The following PTPRD variants were observed in gnomAD, a reference collection of about 807,000 sequenced individuals.
PTPRD encodes the protein receptor-type tyrosine-protein phosphatase delta.
Under a neutral mutation model 214.5 loss-of-function variants are expected in PTPRD, and 34 were observed. The observed-to-expected ratio is 0.16, with a 90% CI of 0.12 to 0.21. The LOEUF is 0.21. PTPRD is among the 10% of genes least tolerant of loss of function. PTPRD has a pLI of 1.00. For missense variants in PTPRD, 2,545 were observed against 2,398.7 expected, an observed-to-expected ratio of 1.06 and a Z score of -1.27; for synonymous variants, 1,128 against 845.7, an observed-to-expected ratio of 1.33 and a Z score of -5.79.
intron 9 of PTPRD, among the ~76,000 whole-genome samples, chr9:9,373,536 C>T (rs2060067563): frequency 6.6e-6 from 1 of 151,908 alleles, no homozygotes. Flanking sequence ...CTGGAGTCTC[C>T]CAGGGAGAAT....
chr9:8,665,173 G>A (rs140611260), intron 12 of PTPRD, among the ~76,000 whole-genome samples: 1 of 152,164 alleles, frequency 6.6e-6, no homozygotes, highest in Non-Finnish European at 1.5e-5. Flanking sequence ...TCAAAAGTAA[G>A]ATTTTGTTTA....
chr9:10,019,990 T>C (rs751777261), intron 4 of PTPRD, among the ~76,000 whole-genome samples: 6 of 152,212 alleles, frequency 3.9e-5, no homozygotes, highest in Non-Finnish European at 5.9e-5. Flanking sequence ...GGTTAATGTA[T>C]ATAAACGGTT....
At chr9:10,141,164 G>A (rs2098982108) in intron 3 of PTPRD, among the ~76,000 whole-genome samples, 1 of 152,138 alleles carries the variant, frequency 6.6e-6, no homozygotes, top group South Asian at 2.1e-4. Context: ...GCAAAAAACT[G>A]GAAGCATTCC....
intron 3 of PTPRD, among the ~76,000 whole-genome samples, chr9:10,068,372 C>T (rs1468361732): frequency 6.6e-6 from 1 of 151,758 alleles, no homozygotes. Flanking sequence ...TAAGATAATC[C>T]ATCCTGAAGT....
intron 11 of PTPRD, among the ~76,000 whole-genome samples, chr9:8,817,075 A>G (rs2096935385): frequency 6.6e-6 from 1 of 152,218 alleles, no homozygotes; most frequent in Non-Finnish European, 1.5e-5. Flanking sequence ...TTCCTTCGGT[A>G]TAGCATGATG....
intron 10 of PTPRD, among the ~76,000 whole-genome samples, chr9:9,080,406 A>G (rs2099757297): frequency 6.6e-6 from 1 of 152,138 alleles, no homozygotes; most frequent in Admixed American, 6.6e-5. Context: ...TTATAATAAA[A>G]GTCGCTTGCT....
intron 11 of PTPRD, among the ~76,000 whole-genome samples, chr9:8,929,399 G>A (rs10977366): frequency 0.32 from 47,976 of 151,812 alleles, 7,755 homozygotes; most frequent in Middle Eastern, 0.36. Context: ...TTAGCATGAA[G>A]TTGTGTTGAA....
chr9:10,553,120 T>C (rs1355464327), intron 2 of PTPRD, among the ~76,000 whole-genome samples: 2 of 152,114 alleles, frequency 1.3e-5, no homozygotes, highest in African/African-American at 2.4e-5. Flanking sequence ...CAGAAGCACA[T>C]CTGGATTTGT....
chr9:10,170,958 T>C (rs10958933), intron 3 of PTPRD, among the ~76,000 whole-genome samples: 1 of 152,016 alleles, frequency 6.6e-6, no homozygotes, highest in East Asian at 1.9e-4. Flanking sequence ...CACCAAGTCC[T>C]TTTCCTTGAT....
chr9:9,231,147 T>C (rs2099962852), intron 9 of PTPRD, among the ~76,000 whole-genome samples: 2 of 152,184 alleles, frequency 1.3e-5, no homozygotes, highest in South Asian at 4.1e-4. Flanking sequence ...ATATCTGCAC[T>C]GTCTGCTACT....
intron 2 of PTPRD, among the ~76,000 whole-genome samples, chr9:10,468,293 A>T (rs1177500195): frequency 3.3e-5 from 5 of 152,136 alleles, no homozygotes; most frequent in Admixed American, 3.3e-4. Flanking sequence ...AATGTGGCAC[A>T]TCTACACCAT....
chr9:8,365,322 T>A (rs1050028981), intron 39 of PTPRD, among the ~76,000 whole-genome samples: 1 of 152,016 alleles, frequency 6.6e-6, no homozygotes, highest in Admixed American at 6.6e-5. Flanking sequence ...TATTTTTGAG[T>A]TAGGATGTAA....
chr9:10,457,957 G>T (rs1290385612), intron 2 of PTPRD, among the ~76,000 whole-genome samples: 5 of 151,800 alleles, frequency 3.3e-5, no homozygotes, highest in Non-Finnish European at 7.4e-5. Context: ...ATAAATTAGA[G>T]AAAATTGATA....
In PTPRD at chr9:8,523,535, T is replaced by G; in HGVS notation, c.680-11A>C. 6.2e-7 allele frequency: 1 copy of G among 1,612,986 alleles called. No individual in the cohort carries two copies. The highest frequency in any genetic ancestry group is 1.1e-5 in the South Asian group (1 of 90,976). The stretch of plus-strand genomic sequence containing the variant: ...AACCTTCTCGCAGCTCTGAGGGATG[T>G]AGGGGGTTTGATGCAGAACACAATG... On this transcript the variant is annotated splice_polypyrimidine_tract_variant and intron_variant, in intron 18 of 45. Coordinates refer to ENST00000381196, the MANE Select transcript of PTPRD (RefSeq NM_002839.4).
chr9:8,601,654 C>T lies in PTPRD; in HGVS notation c.352+31663G>A, dbSNP rs74625965. Reference sequence around the variant, plus strand: ...CAAGACCAAAATGGCAAAACATCTACAAGTCTCCAAGAACCACTGTGCTAT... The same window carrying T: ...CAAGACCAAAATGGCAAAACATCTATAAGTCTCCAAGAACCACTGTGCTAT... On this transcript the variant is annotated intron_variant, in intron 14 of 45. Coordinates refer to ENST00000381196, the MANE Select transcript of PTPRD (RefSeq NM_002839.4). Among the ~76,000 whole-genome samples the T allele has an allele frequency of 1.5e-3, 226 of 152,252 alleles. 1 individual carries two copies. The highest frequency in any genetic ancestry group is 5.1e-3 in the African/African-American group (211 of 41,560).
chr9:9,039,810 G>T (rs1221931903), intron 10 of PTPRD, among the ~76,000 whole-genome samples: 1 of 152,142 alleles, frequency 6.6e-6, no homozygotes, highest in African/African-American at 2.4e-5. Context: ...ATTGAAAGTT[G>T]TATCTTTTTA....
At chr9:10,605,156 T>C (rs919945936) in intron 2 of PTPRD, among the ~76,000 whole-genome samples, 1 of 151,872 alleles carries the variant, frequency 6.6e-6, no homozygotes, top group Non-Finnish European at 1.5e-5. Flanking sequence ...GTACACATTA[T>C]AAGTCCTCTT....
intron 3 of PTPRD, among the ~76,000 whole-genome samples, chr9:10,227,875 G>A (rs867070902): frequency 6.6e-6 from 1 of 151,682 alleles, no homozygotes; most frequent in South Asian, 2.1e-4. Context: ...GGCCCTACTT[G>A]GCTGAGGACT....
At chr9:10,254,550 A>C (rs2093076032) in intron 3 of PTPRD, among the ~76,000 whole-genome samples, 2 of 152,150 alleles carry the variant, frequency 1.3e-5, no homozygotes, top group African/African-American at 4.8e-5. Flanking sequence ...ATTTAGCCCC[A>C]TCAGCTATTT....
Sources: allele counts gnomAD v4.1 joint callset (sites outside exome capture counted in the v4.1 genomes callset), GRCh38; gene constraint gnomAD v4.1.1; transcripts MANE v1.5; gene names NCBI Gene and HGNC (gene_info 2026-07-23, HGNC 2026-07-21).